Variants in NYAP2 observed in about 807,000 individuals in gnomAD.
NYAP2 encodes neuronal tyrosine-phosphorylated phosphoinositide-3-kinase adaptor 2, also known as neuronal tyrosine-phosphorylated phosphoinositide-3-kinase adapter 2.
A neutral mutation model predicts 50.4 loss-of-function variants in NYAP2; 23 were observed. The ratio of observed to expected loss-of-function variants is 0.46; its 90% confidence interval spans 0.33 to 0.65. The LOEUF is 0.65. Ranked by LOEUF, NYAP2 falls within the 30% of genes least tolerant of loss-of-function variation. The pLI, the probability that NYAP2 is intolerant of heterozygous loss-of-function variation, is 0.02. For missense variants in NYAP2, 885 were observed against 861.0 expected, an observed-to-expected ratio of 1.03 and a Z score of -0.35; for synonymous variants, 394 against 365.2, an observed-to-expected ratio of 1.08 and a Z score of -0.90.
intron 4 of NYAP2, among the ~76,000 whole-genome samples, chr2:225,544,005 A>G (rs1439231221): frequency 1.3e-5 from 2 of 152,096 alleles, no homozygotes; most frequent in South Asian, 2.1e-4. Flanking sequence ...TCATCATTGT[A>G]TAGTGACCTT....
At chr2:225,451,415 T>G (rs1689648081) in intron 3 of NYAP2, among the ~76,000 whole-genome samples, 1 of 152,182 alleles carries the variant, frequency 6.6e-6, no homozygotes, top group Non-Finnish European at 1.5e-5. Flanking sequence ...AAAAAATAAT[T>G]TCATTGCAGC....
chr2:225,474,099 T>C (rs1274815280), intron 3 of NYAP2, among the ~76,000 whole-genome samples: 3 of 152,212 alleles, frequency 2.0e-5, no homozygotes, highest in African/African-American at 7.2e-5. Flanking sequence ...TTGTCAGGTT[T>C]GTCAAAGATC....
intron 3 of NYAP2, among the ~76,000 whole-genome samples, chr2:225,476,443 A>T (rs981917305): frequency 1.3e-5 from 2 of 152,102 alleles, no homozygotes; most frequent in Non-Finnish European, 2.9e-5. Context: ...TACTTAAAAA[A>T]TATGCCAGGT....
In NYAP2 at chr2:225,614,375, T is replaced by A. The variant is rs565945382; in HGVS notation, c.1619-12542T>A. ...TTTTGAATGAAAAACTATTTGAAAA[T>A]TTTGGTTGGCACTAGCCTCATTCAA... On this transcript the variant is annotated intron_variant, in intron 5 of 6. Transcript: ENST00000636099. 4.6e-5 allele frequency among the ~76,000 whole-genome samples: 7 copies of A among 152,292 alleles called. No homozygotes were observed. The East Asian group carries it at 1.3e-3, about 29-fold the overall frequency.
At chr2:225,651,376 T>C in intron 6 of NYAP2, 56 bp from the exon 7 acceptor site, 1 of 1,609,860 alleles carries the variant, frequency 6.2e-7, no homozygotes, top group Non-Finnish European at 8.5e-7. Flanking sequence ...GAAAAGCCAC[T>C]TCATTATTCC....
the NYAP2 span, among the ~76,000 whole-genome samples, chr2:225,694,563 C>A: frequency 6.6e-6 from 1 of 151,724 alleles, no homozygotes. Flanking sequence ...ATTAAAATGA[C>A]TATGCACCCA....
intron 5 of NYAP2, among the ~76,000 whole-genome samples, chr2:225,593,034 G>A (rs1272547444): frequency 1.3e-5 from 2 of 152,060 alleles, no homozygotes; most frequent in Non-Finnish European, 2.9e-5. Context: ...CTCCTGTTCT[G>A]TTACTTGAAA....
At chr2:225,424,780 T>C (rs1695262115) in intron 3 of NYAP2, among the ~76,000 whole-genome samples, 1 of 152,094 alleles carries the variant, frequency 6.6e-6, no homozygotes, top group Non-Finnish European at 1.5e-5. Context: ...CAATATAAAC[T>C]AAAGTAAAAA....
chr2:225,446,240 CTCTCTCTATA>C (rs1421053991), intron 3 of NYAP2, among the ~76,000 whole-genome samples: 65 of 108,314 alleles, frequency 6.0e-4, no homozygotes, highest in African/African-American at 2.3e-3. Context: ...CTCTCTCTCT[CTCTCTCTATA>C]TATATATATA....
intron 3 of NYAP2, among the ~76,000 whole-genome samples, chr2:225,489,381 A>G (rs1690364908): frequency 6.6e-6 from 1 of 151,726 alleles, no homozygotes; most frequent in African/African-American, 2.4e-5. Context: ...TATTTTTAGT[A>G]GAGATGGGAT....
chr2:225,625,222 T>G (rs905449648), intron 5 of NYAP2, among the ~76,000 whole-genome samples: 1 of 152,168 alleles, frequency 6.6e-6, no homozygotes, highest in Non-Finnish European at 1.5e-5. Context: ...TGCTATCACT[T>G]GATTTTCCAG....
chr2:225,677,522 T>A, the NYAP2 span, among the ~76,000 whole-genome samples: 1 of 151,896 alleles, frequency 6.6e-6, no homozygotes, highest in Non-Finnish European at 1.5e-5. Flanking sequence ...CTTCTGCCCA[T>A]TTGGCATGAT....
chr2:225,583,385 G>A (rs1278389337), intron 5 of NYAP2, among the ~76,000 whole-genome samples: 1 of 152,174 alleles, frequency 6.6e-6, no homozygotes, highest in Non-Finnish European at 1.5e-5. Context: ...AACGCACGGA[G>A]TACGTGGTCT....
At position 225,513,399 on chromosome 2, in the gene NYAP2, G is replaced by A. The variant is rs760029500; in HGVS notation, c.250G>A (p.Glu84Lys). Residue 84 changes from glutamate (E) to lysine (K), a missense_variant, in exon 4 of 7, where the codon GAA becomes AAA. Coordinates refer to ENST00000636099, the Ensembl canonical transcript of NYAP2. ...AGGTGGAGAAGTAGGGCGAGGCCAC[G>A]AAGGAAGTTACGTGGGCAAACATTT... 1.2e-5 allele frequency: 20 copies of A among 1,613,884 alleles called. No individual in the cohort carries two copies. Among genetic ancestry groups the A allele is most frequent in the South Asian group, 1.2e-4 (11 of 91,090 alleles).
intron 1 of NYAP2, 45 bp downstream of exon 1, chr2:225,400,300 C>T (rs1694839024): frequency 7.2e-6 from 1 of 139,662 alleles, no homozygotes; most frequent in South Asian, 2.5e-4. Flanking sequence ...GCAGCAGCTT[C>T]AACAGACTAA....
chr2:225,463,510 C>T (rs767160120), intron 3 of NYAP2, among the ~76,000 whole-genome samples: 4 of 152,214 alleles, frequency 2.6e-5, no homozygotes, highest in Non-Finnish European at 5.9e-5. Context: ...ATAGTGAATA[C>T]TTCAGGGCAG....
rs111806080 is a variant in NYAP2 at position 225,577,821 on chromosome 2, TAA to T, written c.524-4114_524-4113del. ...TGAAAAGCAGATTTTTTTTTTTTTT[TAA>T]AAAAAGAAGCCCCTGCCCCCATATT... is the stretch of plus-strand genomic sequence containing the variant. On this transcript the variant is annotated intron_variant, in intron 4 of 6. Transcript: ENST00000636099. 7.6e-3 allele frequency among the ~76,000 whole-genome samples: 721 copies of T among 94,642 alleles called. 9 individuals carry two copies. The highest frequency in any genetic ancestry group is 0.027 in the African/African-American group (702 of 25,806). 62.1% of individuals were successfully genotyped at this position (94,642 alleles called of 152,430 possible). A position where few individuals can be genotyped will look rare whatever the true frequency, so the allele number is the denominator to read the frequency against.
At chr2:225,547,387 T>G (rs574030905) in intron 4 of NYAP2, among the ~76,000 whole-genome samples, 14 of 152,214 alleles carry the variant, frequency 9.2e-5, no homozygotes, top group Non-Finnish European at 1.8e-4. Flanking sequence ...CACTAACACT[T>G]GCTTAGAAAT....
intron 5 of NYAP2, among the ~76,000 whole-genome samples, chr2:225,586,225 C>T (rs1315569344): frequency 6.6e-6 from 1 of 152,056 alleles, no homozygotes; most frequent in Non-Finnish European, 1.5e-5. Flanking sequence ...GTATCAATTT[C>T]ATGTTTTAAA....
Sources: gnomAD v4.1 joint callset for allele counts (sites outside exome capture counted in the v4.1 genomes callset) on GRCh38, gnomAD v4.1.1 for gene constraint, MANE v1.5 for transcripts, NCBI Gene and HGNC (gene_info 2026-07-23, HGNC 2026-07-21) for gene names.